The following DLG2 variants were observed in gnomAD, a reference collection of about 807,000 sequenced individuals.
DLG2 encodes disks large homolog 2.
DLG2 carries 45 observed loss-of-function variants against 132.5 expected under a neutral mutation model. That is an observed-to-expected ratio of 0.34 (90% confidence interval 0.27 to 0.44). The LOEUF is 0.44. DLG2 is among the 20% of genes least tolerant of loss of function. DLG2 has a pLI of 1.00. For synonymous variants in DLG2, 424 were observed against 419.6 expected, an observed-to-expected ratio of 1.01 and a Z score of -0.13; for missense variants, 1,045 against 1,196.9, an observed-to-expected ratio of 0.87 and a Z score of 1.87.
intron 5 of DLG2, among the ~76,000 whole-genome samples, chr11:85,145,490 C>A (rs2076780718): frequency 6.6e-6 from 1 of 151,974 alleles, no homozygotes; most frequent in Admixed American, 6.6e-5. Context: ...TTTTCTAGAT[C>A]TCATAGGTTT....
intron 24 of DLG2, among the ~76,000 whole-genome samples, chr11:83,471,101 G>A (rs1162143893): frequency 6.6e-6 from 1 of 152,092 alleles, no homozygotes; most frequent in Non-Finnish European, 1.5e-5. Flanking sequence ...TTTAAAGTCT[G>A]TAATGGCCTA....
intron 7 of DLG2, among the ~76,000 whole-genome samples, chr11:84,469,144 G>A (rs1298068808): frequency 2.6e-5 from 4 of 151,516 alleles, no homozygotes; most frequent in Non-Finnish European, 5.9e-5. Flanking sequence ...TATCTTCAAT[G>A]GACCTAAAAT....
intron 6 of DLG2, among the ~76,000 whole-genome samples, chr11:84,714,645 C>T (rs866822043): frequency 9.9e-4 from 116 of 117,052 alleles, no homozygotes; most frequent in Middle Eastern, 4.4e-3. Context: ...CTCTCTCTCT[C>T]TTTCTCTCTC....
intron 4 of DLG2, among the ~76,000 whole-genome samples, chr11:85,251,099 A>C (rs1213449998): frequency 1.3e-5 from 2 of 152,140 alleles, no homozygotes; most frequent in East Asian, 3.9e-4. Flanking sequence ...AATTGTTTCC[A>C]GGTACACTCC....
chr11:85,028,449 CCTGT>C (rs2060730850), intron 6 of DLG2, among the ~76,000 whole-genome samples: 1 of 152,124 alleles, frequency 6.6e-6, no homozygotes, highest in Non-Finnish European at 1.5e-5. Flanking sequence ...TGCCCAGGAG[CCTGT>C]CTGCTTCCTG....
intron 11 of DLG2, among the ~76,000 whole-genome samples, chr11:83,981,605 C>T: frequency 6.6e-6 from 1 of 152,070 alleles, no homozygotes; most frequent in East Asian, 1.9e-4. Context: ...CCATGTCTGA[C>T]TACTTTTTTA....
chr11:84,228,116 T>C (rs927352801), intron 8 of DLG2, among the ~76,000 whole-genome samples: 8 of 152,150 alleles, frequency 5.3e-5, no homozygotes, highest in African/African-American at 1.9e-4. Flanking sequence ...ATCACTGACA[T>C]GATGGACTCT....
intron 6 of DLG2, among the ~76,000 whole-genome samples, chr11:84,926,622 T>C (rs1028400852): frequency 1.3e-5 from 2 of 151,818 alleles, no homozygotes; most frequent in Non-Finnish European, 2.9e-5. Flanking sequence ...TGTGTGAAAT[T>C]TTAACAGTGT....
At chr11:84,159,713 A>G (rs2095504604) in intron 9 of DLG2, among the ~76,000 whole-genome samples, 1 of 152,208 alleles carries the variant, frequency 6.6e-6, no homozygotes, top group African/African-American at 2.4e-5. Context: ...TTTTGAAAAA[A>G]GATAACGGGT....
chr11:83,996,773 T>A (rs569717800), intron 11 of DLG2, among the ~76,000 whole-genome samples: 2 of 152,004 alleles, frequency 1.3e-5, no homozygotes, highest in Non-Finnish European at 2.9e-5. Flanking sequence ...ACCAAATCAA[T>A]TGAACTCATG....
At position 85,031,335 on chromosome 11, in the gene DLG2, C is replaced by A. The variant is rs945433729; in HGVS notation, c.357+80326G>T. Among the ~76,000 whole-genome samples the A allele has an allele frequency of 1.7e-4, 26 of 151,960 alleles. 1 individual carries two copies. Among genetic ancestry groups the A allele is most frequent in the Non-Finnish European group, 5.9e-5 (4 of 67,952 alleles). ...TCATTGGTTTTAGGTATATTTATTT[C>A]TAAGCAGTGTACAGCTGATATTTAT... On this transcript the variant is annotated intron_variant, in intron 6 of 27. Transcript: ENST00000376104.
chr11:84,707,405 T>G (rs1477976768), intron 6 of DLG2, among the ~76,000 whole-genome samples: 1 of 151,848 alleles, frequency 6.6e-6, no homozygotes, highest in Non-Finnish European at 1.5e-5. Flanking sequence ...GGCTTGACAC[T>G]AAAAGTGTAA....
chr11:84,034,959 C>G (rs1181670836), intron 11 of DLG2, among the ~76,000 whole-genome samples: 1 of 152,130 alleles, frequency 6.6e-6, no homozygotes, highest in Admixed American at 6.6e-5. Context: ...CTTTCTCTGC[C>G]TTTTCTTCTC....
At chr11:85,055,244 A>T (rs10898350) in intron 6 of DLG2, among the ~76,000 whole-genome samples, 30,487 of 152,150 alleles carry the variant, frequency 0.2, 3,487 homozygotes, top group Middle Eastern at 0.28. Flanking sequence ...AACAAACCAG[A>T]CAAAGAGAGA....
At chr11:85,109,165 C>T (rs2072302181) in intron 6 of DLG2, among the ~76,000 whole-genome samples, 1 of 152,070 alleles carries the variant, frequency 6.6e-6, no homozygotes, top group South Asian at 2.1e-4. Flanking sequence ...CCATCGGGAG[C>T]CCACCTCTGT....
In DLG2 at chr11:83,653,658, T is replaced by A. The variant is rs552683256; in HGVS notation, c.1826-20333A>T. Among the ~76,000 whole-genome samples the A allele has an allele frequency of 3.9e-5, 6 of 152,340 alleles. No individual in the cohort carries two copies. The East Asian group carries it at 1.2e-3, about 29-fold the overall frequency. On this transcript the variant is annotated intron_variant, in intron 18 of 27. Coordinates refer to ENST00000376104, the MANE Select transcript of DLG2 (RefSeq NM_001142699.3). ...CCCCAAGAAATACATACATTTTGTC[T>A]GTTGATAAAGTGACCGCACATGTCC... is the stretch of plus-strand genomic sequence containing the variant.
chr11:83,491,491 C>T (rs1565452828), intron 21 of DLG2, among the ~76,000 whole-genome samples: 1 of 151,906 alleles, frequency 6.6e-6, no homozygotes, highest in Non-Finnish European at 1.5e-5. Flanking sequence ...ATTTTTCCCC[C>T]ATTTATGTTA....
At chr11:84,535,130 G>T (rs971506772) in intron 6 of DLG2, among the ~76,000 whole-genome samples, 1 of 152,184 alleles carries the variant, frequency 6.6e-6, no homozygotes, top group African/African-American at 2.4e-5. Context: ...TGAGCAAGAA[G>T]AAAACAGAAT....
At chr11:84,971,423 A>G (rs2054084883) in intron 6 of DLG2, among the ~76,000 whole-genome samples, 1 of 152,204 alleles carries the variant, frequency 6.6e-6, no homozygotes, top group Admixed American at 6.5e-5. Context: ...TATGCTGATA[A>G]AAGTTGAGAT....
Sources: gnomAD v4.1 joint callset for allele counts (sites outside exome capture counted in the v4.1 genomes callset) on GRCh38, gnomAD v4.1.1 for gene constraint, MANE v1.5 for transcripts, NCBI Gene and HGNC (gene_info 2026-07-23, HGNC 2026-07-21) for gene names.